Variants in DAB1 observed in about 807,000 individuals in gnomAD.
The protein encoded by DAB1 is DAB adaptor protein 1, also known as disabled homolog 1.
A neutral mutation model predicts 64.6 loss-of-function variants in DAB1; 15 were observed. The ratio of observed to expected loss-of-function variants is 0.23; its 90% CI spans 0.16 to 0.36. DAB1 has a LOEUF of 0.36. DAB1 is among the 10% of genes least tolerant of loss of function. The probability of loss-of-function intolerance (pLI) is 1.00; values close to 1 mark genes in which losing one functional copy is unlikely to be tolerated. For synonymous variants in DAB1, 235 were observed against 251.9 expected, an observed-to-expected ratio of 0.93 and a Z score of 0.64; for missense variants, 596 against 706.7, an observed-to-expected ratio of 0.84 and a Z score of 1.78.
At chr1:57,912,495 G>A (rs1314919393) in intron 5 of DAB1, among the ~76,000 whole-genome samples, 2 of 152,114 alleles carry the variant, frequency 1.3e-5, no homozygotes, top group Non-Finnish European at 2.9e-5. Context: ...CATACTGAAT[G>A]GGCAAAAATT....
At chr1:57,177,765 G>C (rs1037770764) in intron 2 of DAB1, among the ~76,000 whole-genome samples, 1 of 152,002 alleles carries the variant, frequency 6.6e-6, no homozygotes. Flanking sequence ...CAAAGTACAG[G>C]CCATTTCTAG....
chr1:57,224,047 A>ACACTGCTGTGTAAGTGCCTT (rs1281421949), intron 2 of DAB1, among the ~76,000 whole-genome samples: 6 of 152,172 alleles, frequency 3.9e-5, no homozygotes, highest in Non-Finnish European at 8.8e-5. Context: ...CCTTGCACTT[A>ACACTGCTGTGTAAGTGCCTT]GAACTTTACA....
At chr1:58,484,782 G>A (rs929302086) in intron 3 of DAB1, among the ~76,000 whole-genome samples, 1 of 152,146 alleles carries the variant, frequency 6.6e-6, no homozygotes, top group Admixed American at 6.5e-5. Flanking sequence ...AACCTTAAAC[G>A]TATATTGCTA....
At position 58,330,369 on chromosome 1, in the gene DAB1, T is replaced by G. The variant is rs138373421; in HGVS notation, n.309+12983A>C. ...TCACACTGTTTAAGAAAAGAAGTTGTCTCTATAACATAAATGTGCAAGGTG... is the reference window on the plus strand; with the variant it reads ...TCACACTGTTTAAGAAAAGAAGTTGGCTCTATAACATAAATGTGCAAGGTG... On this transcript the variant is annotated intron_variant and non_coding_transcript_variant, in intron 4 of 20. Coordinates refer to the DAB1 transcript ENST00000485760. Among the ~76,000 whole-genome samples, 499 of 152,346 alleles carry G rather than the reference T, an allele frequency of 3.3e-3. 1 individual carries two copies. Among genetic ancestry groups the G allele is most frequent in the Non-Finnish European group, 5.7e-3 (386 of 68,028 alleles).
intron 3 of DAB1, among the ~76,000 whole-genome samples, chr1:58,398,994 A>G (rs1644547955): frequency 6.6e-6 from 1 of 152,338 alleles, no homozygotes; most frequent in African/African-American, 2.4e-5. Context: ...ACTGCTTAGT[A>G]AAATAAGGAG....
chr1:57,696,560 A>G (rs1484565145), intron 6 of DAB1, among the ~76,000 whole-genome samples: 1 of 152,170 alleles, frequency 6.6e-6, no homozygotes, highest in Non-Finnish European at 1.5e-5. Flanking sequence ...GAACTCAGCT[A>G]CAACCTACAG....
chr1:58,142,954 C>A (rs1654370688), intron 5 of DAB1, among the ~76,000 whole-genome samples: 1 of 152,028 alleles, frequency 6.6e-6, no homozygotes, highest in Admixed American at 6.6e-5. Context: ...GTCCCTAGAC[C>A]TGTAGCATCA....
intron 7 of DAB1, among the ~76,000 whole-genome samples, chr1:57,487,755 G>T (rs554996939): frequency 1.3e-4 from 20 of 152,260 alleles, no homozygotes; most frequent in African/African-American, 4.6e-4. Context: ...TATGATGTTT[G>T]TATAATAATG....
chr1:57,595,330 G>C lies in DAB1; in HGVS notation n.625+54262C>G, dbSNP rs55969726. 5.6e-3 allele frequency among the ~76,000 whole-genome samples: 846 copies of C among 151,914 alleles called. 5 individuals are homozygous for C. The highest frequency in any genetic ancestry group is 0.01 in the Admixed American group (155 of 15,260). On this transcript the variant is annotated intron_variant and non_coding_transcript_variant, in intron 7 of 20. Transcript: ENST00000485760. ...GAATAATTATTTTAGAAAAGTCATTGTGAAAGGATATCAGCTTTTTTGGGC... is the reference window on the plus strand; with the variant it reads ...GAATAATTATTTTAGAAAAGTCATTCTGAAAGGATATCAGCTTTTTTGGGC...
intron 2 of DAB1, among the ~76,000 whole-genome samples, chr1:57,242,252 G>GT (rs908880394): frequency 5.3e-5 from 8 of 152,216 alleles, no homozygotes; most frequent in African/African-American, 1.9e-4. Flanking sequence ...CATCTTTATA[G>GT]TTTTTTTCCC....
chr1:57,778,759 G>A (rs548699901), intron 6 of DAB1, among the ~76,000 whole-genome samples: 24 of 152,026 alleles, frequency 1.6e-4, no homozygotes, highest in African/African-American at 5.3e-4. Flanking sequence ...ATCCTGTCAC[G>A]TAGGAGAGTT....
intron 6 of DAB1, among the ~76,000 whole-genome samples, chr1:57,731,709 G>A (rs1267627481): frequency 6.6e-6 from 1 of 151,928 alleles, no homozygotes; most frequent in African/African-American, 2.4e-5. Flanking sequence ...GGAGGCTGAG[G>A]CATGAGAATC....
intron 1 of DAB1, among the ~76,000 whole-genome samples, chr1:57,356,456 A>G (rs1679108358): frequency 6.6e-6 from 1 of 152,106 alleles, no homozygotes; most frequent in South Asian, 2.1e-4. Context: ...GCTTTTGATG[A>G]TATCACATTT....
chr1:58,326,865 C>G (rs534451487), intron 4 of DAB1, among the ~76,000 whole-genome samples: 7 of 152,320 alleles, frequency 4.6e-5, no homozygotes, highest in African/African-American at 1.7e-4. Flanking sequence ...AGACACTCTG[C>G]CAGATCCCTG....
At chr1:57,310,316 G>A (rs1168684232) in intron 1 of DAB1, among the ~76,000 whole-genome samples, 4 of 152,180 alleles carry the variant, frequency 2.6e-5, no homozygotes, top group Non-Finnish European at 5.9e-5. Flanking sequence ...AGATCTGGGG[G>A]AAGAACATTT....
intron 1 of DAB1, among the ~76,000 whole-genome samples, chr1:57,840,255 A>T (rs1048243002): frequency 5.9e-5 from 9 of 152,168 alleles, no homozygotes; most frequent in African/African-American, 1.9e-4. Flanking sequence ...AATACTATGT[A>T]ATCAGTGTAA....
intron 6 of DAB1, among the ~76,000 whole-genome samples, chr1:57,774,417 C>T (rs1569639954): frequency 6.6e-6 from 1 of 151,852 alleles, no homozygotes; most frequent in African/African-American, 2.4e-5. Flanking sequence ...CAGCCTTATG[C>T]CCTTTACATT....
intron 5 of DAB1, among the ~76,000 whole-genome samples, chr1:57,941,310 G>A (rs922031761): frequency 6.6e-6 from 1 of 152,192 alleles, no homozygotes; most frequent in African/African-American, 2.4e-5. Context: ...TAGCAGCCCA[G>A]CAGGATTGAG....
intron 1 of DAB1, among the ~76,000 whole-genome samples, chr1:57,858,238 G>A (rs909789822): frequency 5.3e-5 from 8 of 152,092 alleles, no homozygotes; most frequent in African/African-American, 1.9e-4. Flanking sequence ...GTAATTATCT[G>A]TTCACCTCCT....
Sources: gnomAD v4.1 joint callset for allele counts (sites outside exome capture counted in the v4.1 genomes callset) on GRCh38, gnomAD v4.1.1 for gene constraint, MANE v1.5 for transcripts, NCBI Gene and HGNC (gene_info 2026-07-23, HGNC 2026-07-21) for gene names.